Variants in NBAS observed in about 807,000 individuals in gnomAD.
NBAS encodes NBAS subunit of NRZ tethering complex, also known as NAG/BC035112 fusion.
NBAS carries 219 observed loss-of-function variants against 302.5 expected under a neutral mutation model. That is an observed-to-expected ratio of 0.72 (90% CI 0.65 to 0.81). The LOEUF is 0.81. Ranked by LOEUF, NBAS falls within the 30% of genes least tolerant of loss-of-function variation. The pLI, the probability that NBAS is intolerant of heterozygous loss-of-function variation, is 0.00. For missense variants in NBAS, 2,932 were observed against 2,841.6 expected (o/e 1.03, Z -0.72); for synonymous variants, 1,118 against 1,021.6 (o/e 1.09, Z -1.80).
rs375991089 is a variant in NBAS at position 15,218,823 on chromosome 2, C to A, written c.6382G>T (p.Val2128Leu). ...HLTEEDSKLL[V>L]FFRTEAILKA... is the part of the protein sequence containing the mutation. Reference sequence around the variant, plus strand: ...AGAATGGCTTCAGTTCTAAAGAACACGAGGAGCTTGCTGTCCTCCTCAGTC... The same window carrying A: ...AGAATGGCTTCAGTTCTAAAGAACAAGAGGAGCTTGCTGTCCTCCTCAGTC... Residue 2128 changes from valine to leucine, a missense_variant, in exon 48 of 52, where the codon GTG becomes TTG. Val to Leu is a conservative substitution (Grantham distance 32). Coordinates refer to ENST00000281513, the MANE Select transcript of NBAS (RefSeq NM_015909.4). 4.8e-5 allele frequency: 78 copies of A among 1,614,134 alleles called. No homozygotes were observed. Among genetic ancestry groups the A allele is most frequent in the Non-Finnish European group, 6.4e-5 (76 of 1,180,058 alleles).
At chr2:14,873,359 C>T in the NBAS span, among the ~76,000 whole-genome samples, 8 of 152,308 alleles carry the variant, frequency 5.3e-5, no homozygotes, top group South Asian at 4.1e-4. Context: ...GGATTATAGG[C>T]GTGTGCCACC....
At chr2:14,835,501 G>C in the NBAS span, among the ~76,000 whole-genome samples, 2 of 151,712 alleles carry the variant, frequency 1.3e-5, no homozygotes, top group African/African-American at 4.8e-5. Context: ...TGATTTTATG[G>C]TAATAACATC....
At chr2:15,212,374 G>A (rs1016431943) in intron 48 of NBAS, among the ~76,000 whole-genome samples, 16 of 152,104 alleles carry the variant, frequency 1.1e-4, no homozygotes, top group South Asian at 8.3e-4. Flanking sequence ...TGATACTCGC[G>A]GCTCTCCAGG....
At chr2:15,106,458 T>TCTCTCC in the NBAS span, among the ~76,000 whole-genome samples, 2 of 148,584 alleles carry the variant, frequency 1.3e-5, no homozygotes, top group African/African-American at 4.9e-5. Flanking sequence ...TCTGTCTCTC[T>TCTCTCC]CTCTCTCTCT....
chr2:15,345,058 A>G (rs1349250440), intron 35 of NBAS, among the ~76,000 whole-genome samples: 2 of 152,198 alleles, frequency 1.3e-5, no homozygotes, highest in African/African-American at 2.4e-5. Context: ...ATCACATTAA[A>G]TGGGCAAAAA....
At chr2:15,186,181 C>CAT (rs1347629929) in intron 50 of NBAS, among the ~76,000 whole-genome samples, 1 of 148,474 alleles carries the variant, frequency 6.7e-6, no homozygotes, top group Non-Finnish European at 1.5e-5. Flanking sequence ...TATATATATG[C>CAT]ATATATATAT....
At chr2:15,459,274 C>G (rs771030828) in intron 21 of NBAS, among the ~76,000 whole-genome samples, 1 of 152,072 alleles carries the variant, frequency 6.6e-6, no homozygotes, top group African/African-American at 2.4e-5. Context: ...TTAAAAAAAC[C>G]GTTAAGAGAC....
the NBAS span, among the ~76,000 whole-genome samples, chr2:15,128,748 G>A: frequency 6.6e-6 from 1 of 152,196 alleles, no homozygotes; most frequent in African/African-American, 2.4e-5. Flanking sequence ...ACACATTGGA[G>A]AGGACTTTGA....
intron 40 of NBAS, among the ~76,000 whole-genome samples, chr2:15,298,648 T>A (rs963960855): frequency 4.6e-5 from 7 of 152,212 alleles, no homozygotes; most frequent in Admixed American, 3.3e-4. Flanking sequence ...AAATTAAATT[T>A]GAGTAAAAAT....
At chr2:15,440,771 G>A (rs372114755) in intron 21 of NBAS, among the ~76,000 whole-genome samples, 1 of 152,174 alleles carries the variant, frequency 6.6e-6, no homozygotes, top group African/African-American at 2.4e-5. Context: ...AAATTTAGAC[G>A]AATGTATAAC....
At chr2:15,179,142 G>A (rs754716186) in intron 50 of NBAS, 26 bp from the exon 51 acceptor site, 1 of 1,613,598 alleles carries the variant, frequency 6.2e-7, no homozygotes, top group Non-Finnish European at 8.5e-7. Context: ...AGGGGTGAGC[G>A]AGAACTCCAC....
At chr2:15,295,104 T>C (rs1299503560) in intron 40 of NBAS, among the ~76,000 whole-genome samples, 1 of 152,216 alleles carries the variant, frequency 6.6e-6, no homozygotes, top group Non-Finnish European at 1.5e-5. Flanking sequence ...ATTTAATACA[T>C]GTACTGGCAG....
intron 25 of NBAS, among the ~76,000 whole-genome samples, chr2:15,410,248 T>C (rs1203374854): frequency 1.3e-5 from 2 of 152,228 alleles, no homozygotes; most frequent in African/African-American, 2.4e-5. Context: ...AGTATCAGTA[T>C]ACCAAGTAAT....
At chr2:15,191,592 A>G (rs1416624566) in intron 48 of NBAS, among the ~76,000 whole-genome samples, 1 of 152,198 alleles carries the variant, frequency 6.6e-6, no homozygotes, top group Admixed American at 6.5e-5. Context: ...AGGACAGCAC[A>G]GGTATTAGTA....
chr2:15,234,785 A>G, intron 45 of NBAS, 38 bp from the exon 46 acceptor site: 1 of 1,594,766 alleles, frequency 6.3e-7, no homozygotes, highest in Admixed American at 1.7e-5. Context: ...AGTATCAAAT[A>G]GAAATTAAAT....
chr2:15,350,095 A>G (rs1673278778), intron 35 of NBAS, among the ~76,000 whole-genome samples: 1 of 152,162 alleles, frequency 6.6e-6, no homozygotes, highest in African/African-American at 2.4e-5. Flanking sequence ...TCACCAAATT[A>G]AATTTTAATA....
At chr2:15,245,678 A>G (rs1668068068) in intron 44 of NBAS, among the ~76,000 whole-genome samples, 1 of 151,232 alleles carries the variant, frequency 6.6e-6, no homozygotes, top group African/African-American at 2.4e-5. Context: ...TGGATGGATG[A>G]CACTGTTTAA....
intron 1 of NBAS, among the ~76,000 whole-genome samples, chr2:15,560,902 G>A (rs1408821243): frequency 6.6e-6 from 1 of 152,052 alleles, no homozygotes; most frequent in Non-Finnish European, 1.5e-5. Flanking sequence ...TCCCAATACA[G>A]AGAGCGAAAC....
chr2:15,479,845 A>T (rs928668234), intron 12 of NBAS, among the ~76,000 whole-genome samples: 1 of 152,150 alleles, frequency 6.6e-6, no homozygotes, highest in African/African-American at 2.4e-5. Context: ...ACTCTGTCAT[A>T]CTCATCCCTG....
Sources: gnomAD v4.1 joint callset for allele counts (sites outside exome capture counted in the v4.1 genomes callset) on GRCh38, gnomAD v4.1.1 for gene constraint, MANE v1.5 for transcripts, NCBI Gene and HGNC (gene_info 2026-07-23, HGNC 2026-07-21) for gene names.